The following SEC13 variants were observed in gnomAD, a reference collection of about 807,000 sequenced individuals.
The protein encoded by SEC13 is SEC13 homolog, nuclear pore and COPII component.
Under a neutral mutation model 49.2 loss-of-function variants are expected in SEC13, and 25 were observed. The observed-to-expected ratio is 0.51, with a 90% CI of 0.37 to 0.71. SEC13 has a LOEUF of 0.71. SEC13 is among the 30% of genes least tolerant of loss of function. The pLI, the probability that SEC13 is intolerant of heterozygous loss-of-function variation, is 0.00. For missense variants in SEC13, 383 were observed against 417.6 expected (o/e 0.92, Z 0.72); for synonymous variants, 148 against 163.9 (o/e 0.90, Z 0.74).
intron 1 of SEC13, among the ~76,000 whole-genome samples, chr3:10,318,558 A>AC (rs1479226386): frequency 1.3e-5 from 2 of 151,880 alleles, no homozygotes; most frequent in African/African-American, 4.8e-5. Context: ...TTGAGGAGAG[A>AC]CCCCAAGGGA....
At chr3:10,314,573 C>G (rs1701483211) in intron 3 of SEC13, among the ~76,000 whole-genome samples, 1 of 152,020 alleles carries the variant, frequency 6.6e-6, no homozygotes, top group Admixed American at 6.5e-5. Context: ...GCATTTTTTT[C>G]CCCCTGTCCC....
rs182366263 is a variant in SEC13 at position 10,312,744 on chromosome 3, G to C, written c.165-14C>G. ...GGACCCTCATGACTACAAAGGGAGA[G>C]ATAGGCCAGAGGAACCCACAGTGCC... On this transcript the variant is annotated splice_polypyrimidine_tract_variant and intron_variant, in intron 3 of 8. Transcript: ENST00000350697. 2.5e-6 allele frequency: 4 copies of C among 1,614,016 alleles called. No individual in the cohort carries two copies. Among genetic ancestry groups the C allele is most frequent in the Non-Finnish European group, 2.5e-6 (3 of 1,179,936 alleles).
intron 8 of SEC13, among the ~76,000 whole-genome samples, chr3:10,302,276 G>A (rs576025505): frequency 6.6e-6 from 1 of 152,162 alleles, no homozygotes; most frequent in East Asian, 1.9e-4. Flanking sequence ...CTAAACCTAT[G>A]TACATATATT....
At position 10,321,078 on chromosome 3, in the gene SEC13, C is replaced by G. The variant is rs1391504857; in HGVS notation, c.-26G>C. The stretch of plus-strand genomic sequence containing the variant: ...GATTGCGGCGGTGGCTGCTCCAGGT[C>G]TCGGACGTGGCAGCTCCCGGCGGCG... On this transcript the variant is annotated 5_prime_UTR_variant, in exon 1 of 9. Transcript: ENST00000350697. This position sits in a 1 kb window ranked among gnomAD's most constrained non-coding sequence, Gnocchi z 4.1. The G allele has an allele frequency of 3.1e-6, 5 of 1,612,902 alleles. No homozygotes were observed. Among genetic ancestry groups the G allele is most frequent in the Non-Finnish European group, 4.2e-6 (5 of 1,179,670 alleles).
chr3:10,320,876 G>C (rs1360775946), intron 1 of SEC13, 174 bp downstream of exon 1: 33 of 1,399,712 alleles, frequency 2.4e-5, no homozygotes, highest in African/African-American at 3.0e-5. Flanking sequence ...CTCACCTCTG[G>C]ACTCCCCTCG....
intron 5 of SEC13, among the ~76,000 whole-genome samples, chr3:10,307,285 T>C (rs1272698222): frequency 6.8e-6 from 1 of 146,360 alleles, no homozygotes; most frequent in Admixed American, 7.2e-5. Context: ...TTTGACTCAC[T>C]GCAACCTCCA....
At chr3:10,303,408 T>G (rs1233198221) in intron 8 of SEC13, 1 of 154,108 alleles carries the variant, frequency 6.5e-6, no homozygotes, top group Non-Finnish European at 1.4e-5. Flanking sequence ...TGCGGGTAGC[T>G]TTTTTCCTTC....
chr3:10,316,609 C>T (rs1036499784), intron 2 of SEC13, among the ~76,000 whole-genome samples: 1 of 152,222 alleles, frequency 6.6e-6, no homozygotes, highest in African/African-American at 2.4e-5. Flanking sequence ...CCTTGAGCTT[C>T]AGTTTCCTTA....
At chr3:10,311,183 A>C (rs1022861985) in intron 5 of SEC13, among the ~76,000 whole-genome samples, 2 of 152,142 alleles carry the variant, frequency 1.3e-5, no homozygotes, top group African/African-American at 4.8e-5. Context: ...GCATTGTCCC[A>C]GTGTGAGTGT....
At chr3:10,309,767 C>T (rs561239944) in intron 5 of SEC13, among the ~76,000 whole-genome samples, 3 of 152,178 alleles carry the variant, frequency 2.0e-5, no homozygotes, top group Non-Finnish European at 4.4e-5. Context: ...TATGCAATTT[C>T]ACTTCAAATA....
chr3:10,317,335 G>A (rs142929618), intron 2 of SEC13, among the ~76,000 whole-genome samples: 1 of 152,304 alleles, frequency 6.6e-6, no homozygotes, highest in African/African-American at 2.4e-5. Flanking sequence ...AAAAGCAACT[G>A]TTGGTGGACA....
intron 5 of SEC13, among the ~76,000 whole-genome samples, chr3:10,311,158 T>G (rs999003479): frequency 1.3e-5 from 2 of 152,192 alleles, no homozygotes; most frequent in African/African-American, 4.8e-5. Context: ...GCATGTTCAC[T>G]TCAATGGTAC....
chr3:10,305,213 T>C, intron 6 of SEC13, 57 bp from the exon 7 acceptor site: 1 of 1,545,100 alleles, frequency 6.5e-7, no homozygotes, highest in Non-Finnish European at 8.7e-7. Context: ...CCTCAACTCC[T>C]CCCCAACCCA....
chr3:10,313,339 G>A (rs562337008), intron 3 of SEC13: 43 of 470,688 alleles, frequency 9.1e-5, no homozygotes, highest in African/African-American at 7.9e-4. Context: ...TAGCACTCAA[G>A]AGGTAGAGTA....
chr3:10,319,274 T>C (rs2059721806), intron 1 of SEC13: 7 of 1,608,248 alleles, frequency 4.4e-6, no homozygotes, highest in Non-Finnish European at 5.9e-6. Context: ...GCACAGGTTC[T>C]CTCATCAGAT....
chr3:10,302,927 A>G (rs1339084594), intron 8 of SEC13, among the ~76,000 whole-genome samples: 2 of 152,250 alleles, frequency 1.3e-5, no homozygotes, highest in Admixed American at 1.3e-4. Flanking sequence ...TGCTAGTGAC[A>G]TAGTCGCAAA....
At chr3:10,316,818 A>G (rs1701635087) in intron 2 of SEC13, among the ~76,000 whole-genome samples, 1 of 152,014 alleles carries the variant, frequency 6.6e-6, no homozygotes, top group African/African-American at 2.4e-5. Flanking sequence ...CCTGACCAAC[A>G]TGGAGAAAAC....
At chr3:10,308,107 A>C (rs776734663) in intron 5 of SEC13, among the ~76,000 whole-genome samples, 19 of 152,236 alleles carry the variant, frequency 1.2e-4, no homozygotes, top group Admixed American at 2.6e-4. Context: ...CATAAACTGC[A>C]TATCAAGTGC....
intron 5 of SEC13, among the ~76,000 whole-genome samples, chr3:10,306,163 T>C (rs963357084): frequency 6.6e-6 from 1 of 152,182 alleles, no homozygotes; most frequent in Non-Finnish European, 1.5e-5. Flanking sequence ...CCCTAGATAC[T>C]ATAGTTTAGT....
Sources: gnomAD v4.1 joint callset for allele counts (sites outside exome capture counted in the v4.1 genomes callset) on GRCh38, gnomAD v4.1.1 for gene constraint, Gnocchi (gnomAD v3.1) non-coding constraint, MANE v1.5 for transcripts, NCBI Gene and HGNC (gene_info 2026-07-23, HGNC 2026-07-21) for gene names.